Variants in CLOCK observed in about 807,000 individuals in gnomAD.
The protein encoded by CLOCK is clock circadian regulator.
In CLOCK, 43 loss-of-function variants were observed where a neutral mutation model predicts 118.4. That is an observed-to-expected ratio of 0.36 (90% CI 0.28 to 0.47). The LOEUF is 0.47. Ranked by LOEUF, CLOCK falls within the 20% of genes least tolerant of loss-of-function variation. CLOCK has a pLI of 1.00. For synonymous variants in CLOCK, 326 were observed against 339.2 expected (o/e 0.96, Z 0.43); for missense variants, 846 against 999.9 (o/e 0.85, Z 2.08).
chr4:55,510,929 C>G (rs368233772), intron 1 of CLOCK, among the ~76,000 whole-genome samples: 1 of 152,138 alleles, frequency 6.6e-6, no homozygotes, highest in East Asian at 1.9e-4. Context: ...TCACACAGGG[C>G]TAAAGGCAGA....
chr4:55,469,207 C>T (rs1725948410), intron 8 of CLOCK, among the ~76,000 whole-genome samples: 1 of 151,776 alleles, frequency 6.6e-6, no homozygotes, highest in Admixed American at 6.6e-5. Context: ...CTCACCGCAA[C>T]CTCTGCCTCC....
chr4:55,515,576 G>C (rs555476656), intron 1 of CLOCK, among the ~76,000 whole-genome samples: 1 of 152,046 alleles, frequency 6.6e-6, no homozygotes, highest in Non-Finnish European at 1.5e-5. Flanking sequence ...GTAGAGACGG[G>C]GTTTCACCGT....
chr4:55,537,782 T>C (rs1007784940), intron 1 of CLOCK, among the ~76,000 whole-genome samples: 8 of 152,000 alleles, frequency 5.3e-5, no homozygotes, highest in Non-Finnish European at 8.8e-5. Flanking sequence ...TAGTGAGACC[T>C]TGTCTCAAAA....
chr4:55,451,264 T>G (rs1724424089), intron 15 of CLOCK, among the ~76,000 whole-genome samples: 2 of 152,218 alleles, frequency 1.3e-5, no homozygotes, highest in Admixed American at 1.3e-4. Flanking sequence ...AAGTTAATGC[T>G]CAGTTCTCAA....
chr4:55,536,013 TAAC>T (rs1204307780), intron 1 of CLOCK, among the ~76,000 whole-genome samples: 1 of 152,102 alleles, frequency 6.6e-6, no homozygotes, highest in African/African-American at 2.4e-5. Flanking sequence ...AGGGCTGGAA[TAAC>T]AACACTAGGA....
intron 7 of CLOCK, among the ~76,000 whole-genome samples, chr4:55,471,555 C>T (rs901270822): frequency 2.6e-5 from 4 of 152,058 alleles, no homozygotes; most frequent in African/African-American, 9.7e-5. Flanking sequence ...AAAAGTACTT[C>T]GAGCAAGCAT....
At chr4:55,537,514 A>AT (rs1470115906) in intron 1 of CLOCK, among the ~76,000 whole-genome samples, 1 of 152,050 alleles carries the variant, frequency 6.6e-6, no homozygotes, top group Non-Finnish European at 1.5e-5. Context: ...AGCACTTAAT[A>AT]GACTCTGGTG....
chr4:55,447,738 C>G (rs1047126207), intron 18 of CLOCK, among the ~76,000 whole-genome samples: 10 of 152,062 alleles, frequency 6.6e-5, no homozygotes, highest in African/African-American at 2.4e-4. Context: ...ATATGTATGA[C>G]TTAAATTAAA....
chr4:55,522,503 T>A (rs1305235035), intron 1 of CLOCK, among the ~76,000 whole-genome samples: 5 of 149,598 alleles, frequency 3.3e-5, no homozygotes, highest in African/African-American at 1.2e-4. Flanking sequence ...CTGTTTTTTT[T>A]TAAAAAAAAA....
At chr4:55,491,697 T>A (rs1441926425) in intron 2 of CLOCK, among the ~76,000 whole-genome samples, 1 of 152,124 alleles carries the variant, frequency 6.6e-6, no homozygotes, top group Non-Finnish European at 1.5e-5. Context: ...ACAATCCAGA[T>A]GTTCATTGAC....
intron 9 of CLOCK, among the ~76,000 whole-genome samples, chr4:55,460,168 A>AT (rs1333109187): frequency 1.3e-5 from 2 of 152,092 alleles, no homozygotes; most frequent in Non-Finnish European, 2.9e-5. Context: ...AACTTCAATG[A>AT]TTTTTCATTT....
At chr4:55,509,296 A>T (rs1442374571) in intron 2 of CLOCK, among the ~76,000 whole-genome samples, 2 of 152,248 alleles carry the variant, frequency 1.3e-5, no homozygotes, top group African/African-American at 4.8e-5. Context: ...AAACCTAAAA[A>T]ATAAGAATGG....
At chr4:55,521,281 T>C (rs755360110) in intron 1 of CLOCK, among the ~76,000 whole-genome samples, 20 of 152,200 alleles carry the variant, frequency 1.3e-4, no homozygotes, top group Admixed American at 8.5e-4. Flanking sequence ...TGCAATGGCA[T>C]GATCTCAGCT....
At chr4:55,457,248 G>T (rs933610611) in intron 11 of CLOCK, among the ~76,000 whole-genome samples, 2 of 151,988 alleles carry the variant, frequency 1.3e-5, no homozygotes, top group Non-Finnish European at 2.9e-5. Flanking sequence ...ACAATTTTCC[G>T]TATTATTCTA....
chr4:55,484,446 T>A (rs906530390), intron 3 of CLOCK, among the ~76,000 whole-genome samples: 1 of 152,160 alleles, frequency 6.6e-6, no homozygotes, highest in Non-Finnish European at 1.5e-5. Context: ...AGTTGTGATT[T>A]TAAGTGTCTG....
chr4:55,463,804 G>T lies in CLOCK; in HGVS notation c.440C>A (p.Ser147Tyr). ...SVTSLLEHLP[S>Y]DLVDQSIFNF... ...AAATATACTTTGATCCACAAGATCA[G>T]ACTGAAAAGAAAATTGTTAAAAGTA... The change falls in exon 9 of 23, where the codon TCT becomes TAT. Residue 147 changes from serine to tyrosine, a missense_variant and splice_region_variant. Ser to Tyr is a moderately radical substitution (Grantham distance 144, BLOSUM62 -2). Around this residue, in one of 4 missense-constraint regions of CLOCK, gnomAD observed 246 missense variants for 300.2 expected, o/e 0.82. Coordinates refer to ENST00000513440, the MANE Select transcript of CLOCK (RefSeq NM_004898.4). 1 of 1,607,308 alleles carries T rather than the reference G, an allele frequency of 6.2e-7. No individual in the cohort carries two copies. The highest frequency in any genetic ancestry group is 1.1e-5 in the South Asian group (1 of 90,574).
At chr4:55,538,997 C>T (rs7686058) in intron 1 of CLOCK, among the ~76,000 whole-genome samples, 51,355 of 151,940 alleles carry the variant, frequency 0.34, 9,362 homozygotes, top group East Asian at 0.58. Context: ...TTTGGGAGGC[C>T]AAGGTGGGCA....
intron 2 of CLOCK, among the ~76,000 whole-genome samples, chr4:55,496,925 A>T (rs553881569): frequency 1.2e-4 from 18 of 152,234 alleles, no homozygotes; most frequent in Middle Eastern, 3.2e-3. Context: ...CCTTCACAGA[A>T]AATCATATTG....
chr4:55,479,667 TCCA>T lies in CLOCK; in HGVS notation c.77_79del (p.Val26del). The T allele has an allele frequency of 6.2e-7, 1 of 1,612,780 alleles. No individual in the cohort carries two copies. On this transcript the variant is annotated inframe_deletion, in exon 5 of 23. Transcript: ENST00000513440. ...TTTCGCTTTGTCCTTGTCATCTTCT[TCCA>T]CCAACCCATCAAAAATACTACTGTC...
Sources: allele counts gnomAD v4.1 joint callset (sites outside exome capture counted in the v4.1 genomes callset), GRCh38; gene constraint gnomAD v4.1.1; regional missense constraint gnomAD v4.1.1; transcripts MANE v1.5; gene names NCBI Gene and HGNC (gene_info 2026-07-23, HGNC 2026-07-21).